SH3GL3: variants seen among roughly 807,000 people sequenced by gnomAD.
The protein encoded by SH3GL3 is SH3 domain containing GRB2 like 3, endophilin A3, also known as endophilin-A3.
A neutral mutation model predicts 47.7 loss-of-function variants in SH3GL3; 33 were observed. That is an observed-to-expected ratio of 0.69 (90% confidence interval 0.52 to 0.92). The LOEUF is 0.92. Among genes scored for constraint, SH3GL3 ranks in the 40% least tolerant of loss-of-function variants. The pLI is 0.00. For missense variants in SH3GL3, 363 were observed against 417.8 expected (o/e 0.87, Z 1.14); for synonymous variants, 155 against 148.8 (o/e 1.04, Z -0.30).
intron 1 of SH3GL3, among the ~76,000 whole-genome samples, chr15:83,540,207 G>A (rs1018672826): frequency 7.9e-5 from 12 of 152,058 alleles, no homozygotes; most frequent in Non-Finnish European, 1.5e-4. Context: ...TTAGAAATGT[G>A]CTTTGTGATT....
chr15:83,630,846 A>C, the SH3GL3 span, among the ~76,000 whole-genome samples: 2 of 152,130 alleles, frequency 1.3e-5, no homozygotes, highest in Admixed American at 6.5e-5. Flanking sequence ...TCAAGTCTTC[A>C]CAGCTCAAAA....
chr15:83,560,161 C>T (rs1162550553), intron 2 of SH3GL3, among the ~76,000 whole-genome samples: 1 of 152,154 alleles, frequency 6.6e-6, no homozygotes, highest in African/African-American at 2.4e-5. Flanking sequence ...GCAAGGCATC[C>T]ACCCTCAGGT....
chr15:83,609,226 T>C (rs2060602690), intron 8 of SH3GL3: 1 of 455,872 alleles, frequency 2.2e-6, no homozygotes, highest in Non-Finnish European at 4.4e-6. Flanking sequence ...GAGCCCACAA[T>C]GCAGCGCTGT....
chr15:83,609,204 G>A (rs927914984), intron 8 of SH3GL3: 26 of 450,906 alleles, frequency 5.8e-5, no homozygotes, highest in Non-Finnish European at 8.9e-5. Context: ...AAAGGGACTC[G>A]GTACAGAGTA....
chr15:83,507,694 A>G (rs145299401), intron 1 of SH3GL3, among the ~76,000 whole-genome samples: 1,738 of 151,634 alleles, frequency 0.011, 17 homozygotes, highest in Non-Finnish European at 0.015. Flanking sequence ...GGATTACAGG[A>G]GTGAGCCACC....
At chr15:83,565,096 T>TTG in intron 2 of SH3GL3, 38 bp from the exon 3 acceptor site, 1 of 874,450 alleles carries the variant, frequency 1.1e-6, no homozygotes, top group East Asian at 2.5e-5. Context: ...TTTATTGAGT[T>TTG]TGTCATTTAC....
chr15:83,470,745 T>C (rs112617835), intron 1 of SH3GL3, among the ~76,000 whole-genome samples: 60 of 152,268 alleles, frequency 3.9e-4, no homozygotes, highest in African/African-American at 1.3e-3. Context: ...TTAGGTGAAA[T>C]TTTTTAGTAT....
intron 6 of SH3GL3, among the ~76,000 whole-genome samples, chr15:83,584,303 C>T (rs145630804): frequency 6.6e-6 from 1 of 152,290 alleles, no homozygotes; most frequent in East Asian, 1.9e-4. Flanking sequence ...CCTTAAAGGA[C>T]CTCGTGATTA....
At position 83,515,467 on chromosome 15, in the gene SH3GL3, A is replaced by C. The variant is rs542255403; in HGVS notation, c.46-43786A>C. 4.6e-5 allele frequency among the ~76,000 whole-genome samples: 7 copies of C among 152,054 alleles called. No homozygotes were observed. The East Asian group carries it at 1.2e-3, about 25-fold the overall frequency. On this transcript the variant is annotated intron_variant, in intron 1 of 8. Coordinates refer to ENST00000427482, the MANE Select transcript of SH3GL3 (RefSeq NM_003027.5). ...TGCTTTGGGAAGTGCTTTGCTTGAC[A>C]GTGCCTGGATTTATGTAGCAAGATA...
chr15:83,453,420 G>T (rs2039871731), intron 1 of SH3GL3, among the ~76,000 whole-genome samples: 1 of 96,714 alleles, frequency 1.0e-5, no homozygotes, highest in African/African-American at 4.0e-5. Flanking sequence ...GAATTCGGCT[G>T]TGAATCCATC....
intron 1 of SH3GL3, among the ~76,000 whole-genome samples, chr15:83,474,589 T>G (rs997146231): frequency 1.2e-4 from 19 of 152,196 alleles, no homozygotes; most frequent in African/African-American, 4.6e-4. Flanking sequence ...TTTTCTCAGT[T>G]TTTGAATAGT....
intron 1 of SH3GL3, among the ~76,000 whole-genome samples, chr15:83,490,386 G>C (rs2041827275): frequency 6.6e-6 from 1 of 151,906 alleles, no homozygotes; most frequent in Non-Finnish European, 1.5e-5. Flanking sequence ...GGGACACTGA[G>C]GGCTCATCAG....
chr15:83,605,423 G>T (rs1000386007), intron 8 of SH3GL3, among the ~76,000 whole-genome samples: 1 of 152,116 alleles, frequency 6.6e-6, no homozygotes, highest in Non-Finnish European at 1.5e-5. Context: ...GATTCTGAAT[G>T]ATTTGCACAT....
intron 1 of SH3GL3, among the ~76,000 whole-genome samples, chr15:83,555,404 T>C (rs1283215613): frequency 6.6e-6 from 1 of 152,214 alleles, no homozygotes; most frequent in African/African-American, 2.4e-5. Context: ...TTCTTGGTGT[T>C]ATATTTTATT....
chr15:83,531,766 G>A (rs2043685765), intron 1 of SH3GL3, among the ~76,000 whole-genome samples: 1 of 151,984 alleles, frequency 6.6e-6, no homozygotes, highest in Non-Finnish European at 1.5e-5. Context: ...TCATGGGAAT[G>A]GAGAAAATAA....
At chr15:83,603,347 G>T (rs1260195117) in intron 8 of SH3GL3, among the ~76,000 whole-genome samples, 1 of 152,170 alleles carries the variant, frequency 6.6e-6, no homozygotes, top group Non-Finnish European at 1.5e-5. Context: ...AGTTCCATGT[G>T]CCTGTAAACA....
rs1216318911 is a variant in SH3GL3 at position 83,510,134 on chromosome 15, G to C, written c.46-49119G>C. Among the ~76,000 whole-genome samples the C allele has an allele frequency of 2.6e-5, 4 of 151,804 alleles. No individual in the cohort carries two copies. In the East Asian group the frequency reaches 5.8e-4, roughly 22 times the overall value. On this transcript the variant is annotated intron_variant, in intron 1 of 8. Transcript: ENST00000427482. The stretch of plus-strand genomic sequence containing the variant: ...TACAAAGTACTTTTTGTTATTCAAT[G>C]CTTGTGCCATCATCAGACAACTTCA...
intron 1 of SH3GL3, among the ~76,000 whole-genome samples, chr15:83,479,331 A>ATG (rs149147202): frequency 0.073 from 10,904 of 149,526 alleles, 398 homozygotes; most frequent in African/African-American, 0.09. Flanking sequence ...GAGCGTGTGC[A>ATG]TGTGTGTGTG....
At chr15:83,528,820 A>C (rs1005146324) in intron 1 of SH3GL3, among the ~76,000 whole-genome samples, 1 of 152,066 alleles carries the variant, frequency 6.6e-6, no homozygotes, top group Non-Finnish European at 1.5e-5. Context: ...TTTCATTGGA[A>C]TCTGTTGCTA....
Sources: allele counts gnomAD v4.1 joint callset (sites outside exome capture counted in the v4.1 genomes callset), GRCh38; gene constraint gnomAD v4.1.1; transcripts MANE v1.5; gene names NCBI Gene and HGNC (gene_info 2026-07-23, HGNC 2026-07-21).